The following PIWIL1 variants were observed in gnomAD, a reference collection of about 807,000 sequenced individuals.
PIWIL1 encodes piwi-like protein 1.
In PIWIL1, 73 loss-of-function variants were observed where a neutral mutation model predicts 114.4. That is an observed-to-expected ratio of 0.64 (90% confidence interval 0.53 to 0.78). The LOEUF (loss-of-function observed/expected upper bound fraction) is 0.78, where lower values mean the gene tolerates loss of function less well. Among genes scored for constraint, PIWIL1 ranks in the 30% least tolerant of loss-of-function variants. The probability of loss-of-function intolerance (pLI) is 0.00; values close to 1 mark genes in which losing one functional copy is unlikely to be tolerated. For missense variants in PIWIL1, 723 were observed against 1,063.1 expected (o/e 0.68, Z 4.45); for synonymous variants, 375 against 369.0 (o/e 1.02, Z -0.19).
the PIWIL1 span, among the ~76,000 whole-genome samples, chr12:130,382,557 C>T: frequency 6.6e-6 from 1 of 152,248 alleles, no homozygotes; most frequent in African/African-American, 2.4e-5. Flanking sequence ...GTCACTTTAA[C>T]CCCATTCTCT....
intron 4 of PIWIL1, among the ~76,000 whole-genome samples, chr12:130,346,153 G>C (rs1565941805): frequency 2.0e-5 from 3 of 152,128 alleles, no homozygotes; most frequent in African/African-American, 7.2e-5. Context: ...AAATTACTTA[G>C]TCTAAGGAAG....
the PIWIL1 span, among the ~76,000 whole-genome samples, chr12:130,393,763 A>G: frequency 3.9e-5 from 6 of 152,158 alleles, no homozygotes; most frequent in African/African-American, 1.4e-4. Flanking sequence ...TAGAAATGAG[A>G]TTCAGTTAAA....
the PIWIL1 span, among the ~76,000 whole-genome samples, chr12:130,390,887 GCTT>G: frequency 6.6e-6 from 1 of 152,170 alleles, no homozygotes; most frequent in African/African-American, 2.4e-5. Flanking sequence ...CTGCTGGGCA[GCTT>G]CTTCTCCAGG....
intron 18 of PIWIL1, among the ~76,000 whole-genome samples, chr12:130,364,246 C>T (rs903535908): frequency 6.6e-6 from 1 of 152,184 alleles, no homozygotes; most frequent in Non-Finnish European, 1.5e-5. Flanking sequence ...TGTGCTTGCA[C>T]ATACATATTA....
chr12:130,412,857 C>G, the PIWIL1 span: 1 of 1,406,580 alleles, frequency 7.1e-7, no homozygotes, highest in East Asian at 2.3e-5. Flanking sequence ...GTCCCACTGA[C>G]GGTAAGTGAG....
chr12:130,412,600 A>C, the PIWIL1 span: 1 of 1,610,644 alleles, frequency 6.2e-7, no homozygotes, highest in South Asian at 1.1e-5. Flanking sequence ...GGGAAGGTCG[A>C]ATAGGGGTTT....
chr12:130,424,180 G>A, the PIWIL1 span: 1 of 1,232,058 alleles, frequency 8.1e-7, no homozygotes, highest in Non-Finnish European at 1.0e-6. This position sits in a 1 kb window ranked among gnomAD's most constrained non-coding sequence, Gnocchi z 9.8. Flanking sequence ...GGCTTTGCGT[G>A]GGGGGCAGCT....
At chr12:130,348,807 A>C (rs1010369599) in intron 7 of PIWIL1, among the ~76,000 whole-genome samples, 2 of 152,092 alleles carry the variant, frequency 1.3e-5, no homozygotes, top group African/African-American at 4.8e-5. Context: ...AGGCTGAGGC[A>C]GAGAAGTGCT....
At chr12:130,349,094 C>A in intron 7 of PIWIL1, 145 bp from the exon 8 acceptor site, 1 of 576,100 alleles carries the variant, frequency 1.7e-6, no homozygotes. Flanking sequence ...AAGCTGGAAC[C>A]ATGTAAATCC....
chr12:130,403,540 A>T, the PIWIL1 span, among the ~76,000 whole-genome samples: 3 of 152,180 alleles, frequency 2.0e-5, no homozygotes, highest in Admixed American at 2.0e-4. Flanking sequence ...AAAACTGATA[A>T]GATAACCATT....
At chr12:130,408,327 G>A in the PIWIL1 span, among the ~76,000 whole-genome samples, 1 of 152,230 alleles carries the variant, frequency 6.6e-6, no homozygotes, top group African/African-American at 2.4e-5. Context: ...CTGTCCTCAG[G>A]AGAAGCACGA....
At chr12:130,375,427 C>T (rs1565961479), downstream of PIWIL1, among the ~76,000 whole-genome samples, 4 of 152,154 alleles carry the variant, frequency 2.6e-5, no homozygotes, top group South Asian at 2.1e-4. Context: ...CACCTCCATC[C>T]GCATTCTCAA....
In PIWIL1 at chr12:130,361,564, G is replaced by A. The variant is rs753282833; in HGVS notation, c.1933G>A (p.Ala645Thr). Residue 645 changes from alanine to threonine, a missense_variant, in exon 16 of 21, where the codon GCA (alanine) becomes ACA (threonine). Coordinates refer to ENST00000245255, the MANE Select transcript of PIWIL1 (RefSeq NM_004764.5). Reference sequence around the variant, plus strand: ...CATGACAGCTGGGCGGAGGTCAATCGCAGGATTTGTTGCCAGCATCAATGA... The same window carrying A: ...CATGACAGCTGGGCGGAGGTCAATCACAGGATTTGTTGCCAGCATCAATGA... ...HDMTAGRRSI[A>T]GFVASINEGM... The A allele has an allele frequency of 6.2e-7, 1 of 1,614,132 alleles. No homozygotes were observed. The highest frequency in any genetic ancestry group is 8.5e-7 in the Non-Finnish European group (1 of 1,180,020).
intron 14 of PIWIL1, 59 bp downstream of exon 14, chr12:130,357,612 A>C: frequency 9.2e-7 from 1 of 1,088,474 alleles, no homozygotes; most frequent in Non-Finnish European, 1.4e-6. Flanking sequence ...CAAAGGGGGC[A>C]TGTGTACATT....
rs139752686 is a variant in PIWIL1 at position 130,356,132 on chromosome 12, G to A, written c.1404+465G>A. Among the ~76,000 whole-genome samples the A allele has an allele frequency of 1.4e-3, 208 of 151,448 alleles. 1 individual carries two copies. Among genetic ancestry groups the A allele is most frequent in the African/African-American group, 4.7e-3 (195 of 41,250 alleles). Reference sequence around the variant, plus strand: ...ATATTTTGACTGCCACTAAAATGATGGAAAATCCCTGATTTGATTGGCCTG... The same window carrying A: ...ATATTTTGACTGCCACTAAAATGATAGAAAATCCCTGATTTGATTGGCCTG... On this transcript the variant is annotated intron_variant, in intron 12 of 20. Coordinates refer to ENST00000245255, the MANE Select transcript of PIWIL1 (RefSeq NM_004764.5).
chr12:130,369,208 C>A (rs1301809225), intron 19 of PIWIL1, among the ~76,000 whole-genome samples: 1 of 152,122 alleles, frequency 6.6e-6, no homozygotes, highest in Non-Finnish European at 1.5e-5. Flanking sequence ...TCATCCATGT[C>A]CCTGCAAAGA....
In PIWIL1 at chr12:130,370,742, T is replaced by G. The variant is rs57737876; in HGVS notation, c.2322-434T>G. Among the ~76,000 whole-genome samples, 1,101 of 152,310 alleles carry G rather than the reference T, an allele frequency of 7.2e-3. 6 individuals are homozygous for G. Among genetic ancestry groups the G allele is most frequent in the African/African-American group, 0.017 (719 of 41,560 alleles). ...TGGGAACAGCAAGAGGGGAAAAGAT[T>G]CCGTGGTAAAAGCATGTTTGGGGAG... On this transcript the variant is annotated intron_variant, in intron 19 of 20. Transcript: ENST00000245255.
At chr12:130,376,929 GC>G (rs1245143091), downstream of PIWIL1, among the ~76,000 whole-genome samples, 1 of 152,156 alleles carries the variant, frequency 6.6e-6, no homozygotes, top group Non-Finnish European at 1.5e-5. Flanking sequence ...CTGCCTTAGG[GC>G]CTCTGCCTGG....
the PIWIL1 span, among the ~76,000 whole-genome samples, chr12:130,408,349 G>A: frequency 6.6e-6 from 1 of 152,204 alleles, no homozygotes; most frequent in Non-Finnish European, 1.5e-5. Flanking sequence ...CATAAACAGG[G>A]ATGCCTTCTC....
Sources: gnomAD v4.1 joint callset for allele counts (sites outside exome capture counted in the v4.1 genomes callset) on GRCh38, gnomAD v4.1.1 for gene constraint, Gnocchi (gnomAD v3.1) non-coding constraint, MANE v1.5 for transcripts, NCBI Gene and HGNC (gene_info 2026-07-23, HGNC 2026-07-21) for gene names.